The following RABGAP1L variants were observed in gnomAD, a reference collection of about 807,000 sequenced individuals.
RABGAP1L encodes the protein RAB GTPase activating protein 1 like.
Under a neutral mutation model 137.7 loss-of-function variants are expected in RABGAP1L, and 63 were observed. That is an observed-to-expected ratio of 0.46 (90% CI 0.37 to 0.56). RABGAP1L has a LOEUF of 0.56. Ranked by LOEUF, RABGAP1L falls within the 20% of genes least tolerant of loss-of-function variation. The pLI is 0.00. For missense variants in RABGAP1L, 1,095 were observed against 1,244.0 expected (o/e 0.88, Z 1.80); for synonymous variants, 431 against 433.7 (o/e 0.99, Z 0.08).
intron 19 of RABGAP1L, among the ~76,000 whole-genome samples, chr1:174,860,544 TA>T (rs1306658796): frequency 3.0e-4 from 46 of 152,282 alleles, no homozygotes; most frequent in African/African-American, 1.0e-3. Flanking sequence ...CTCAAAATAA[TA>T]AAACTGTATA....
chr1:174,849,234 G>A (rs551390459), intron 19 of RABGAP1L, among the ~76,000 whole-genome samples: 3 of 152,112 alleles, frequency 2.0e-5, no homozygotes, highest in South Asian at 2.1e-4. Context: ...GTTCCTATTC[G>A]GCCATCTTGA....
intron 19 of RABGAP1L, chr1:174,938,606 T>C (rs1473471409): frequency 6.6e-6 from 1 of 152,202 alleles, no homozygotes. Flanking sequence ...TGTTTTTCCT[T>C]GCGCTAGTTA....
At chr1:174,547,469 T>A (rs1012181637) in intron 13 of RABGAP1L, among the ~76,000 whole-genome samples, 1 of 151,944 alleles carries the variant, frequency 6.6e-6, no homozygotes, top group South Asian at 2.1e-4. Flanking sequence ...AATAAAAAAT[T>A]AGCTGGATGT....
chr1:174,904,986 C>A (rs1371389548), intron 19 of RABGAP1L, among the ~76,000 whole-genome samples: 2 of 152,104 alleles, frequency 1.3e-5, no homozygotes, highest in African/African-American at 4.8e-5. Flanking sequence ...CTCTAGCCAG[C>A]CTTCTCACAC....
At chr1:174,220,640 C>G (rs962988177) in intron 2 of RABGAP1L, 1 of 159,980 alleles carries the variant, frequency 6.3e-6, no homozygotes, top group Non-Finnish European at 1.4e-5. Flanking sequence ...TGCATTCCAG[C>G]CTGGGTGACA....
chr1:174,168,840 A>T (rs981339793), intron 1 of RABGAP1L, among the ~76,000 whole-genome samples: 3 of 152,240 alleles, frequency 2.0e-5, no homozygotes, highest in African/African-American at 7.2e-5. Flanking sequence ...TAGGCCTCTT[A>T]AGTTTAAAAA....
intron 13 of RABGAP1L, among the ~76,000 whole-genome samples, chr1:174,459,810 T>C (rs1432593387): frequency 6.6e-6 from 1 of 152,120 alleles, no homozygotes. Context: ...ACTGAGATAG[T>C]AGAGCCATCA....
intron 1 of RABGAP1L, among the ~76,000 whole-genome samples, chr1:174,190,225 C>G (rs919959264): frequency 6.7e-6 from 1 of 150,168 alleles, no homozygotes; most frequent in African/African-American, 2.5e-5. Context: ...ATCACTTGAA[C>G]GCGGGAGGCA....
chr1:174,196,993 G>A lies in RABGAP1L; in HGVS notation c.-33-22132G>A, dbSNP rs377380820. ...AGATCATATTAAATTTTTGATTTAA[G>A]AAAAATGAAAGGTGGCAATATTTCT... is the stretch of plus-strand genomic sequence containing the variant. On this transcript the variant is annotated intron_variant, in intron 1 of 25. Transcript: ENST00000681986. 2.0e-5 allele frequency among the ~76,000 whole-genome samples: 3 copies of A among 152,194 alleles called. No homozygotes were observed. The East Asian group carries it at 5.8e-4, about 29-fold the overall frequency.
At chr1:174,634,841 C>T (rs1299624005) in intron 13 of RABGAP1L, among the ~76,000 whole-genome samples, 2 of 139,258 alleles carry the variant, frequency 1.4e-5, no homozygotes, top group African/African-American at 5.5e-5. Flanking sequence ...AATGAGATCA[C>T]ATGGACACAG....
intron 14 of RABGAP1L, among the ~76,000 whole-genome samples, chr1:174,677,552 C>T (rs1677731338): frequency 6.6e-6 from 1 of 152,208 alleles, no homozygotes; most frequent in Non-Finnish European, 1.5e-5. Context: ...GGTTGTTCCA[C>T]AGTGGTCCTA....
intron 19 of RABGAP1L, among the ~76,000 whole-genome samples, chr1:174,868,190 C>T (rs1416818544): frequency 1.3e-5 from 2 of 151,992 alleles, no homozygotes; most frequent in Non-Finnish European, 2.9e-5. Context: ...AACTCCTGAC[C>T]TCAGGCGATT....
At chr1:174,771,511 G>A (rs1686111414) in intron 18 of RABGAP1L, among the ~76,000 whole-genome samples, 1 of 151,836 alleles carries the variant, frequency 6.6e-6, no homozygotes, top group South Asian at 2.1e-4. Flanking sequence ...AATAAAATTA[G>A]GAGCAAAGGA....
chr1:174,358,411 C>T (rs532200090), intron 11 of RABGAP1L, among the ~76,000 whole-genome samples: 2 of 152,290 alleles, frequency 1.3e-5, no homozygotes, highest in African/African-American at 4.8e-5. Flanking sequence ...GGTTGATTTC[C>T]AAGCTCTAAA....
intron 11 of RABGAP1L, among the ~76,000 whole-genome samples, chr1:174,327,987 A>T (rs1330249748): frequency 2.0e-4 from 2 of 10,192 alleles, no homozygotes; most frequent in East Asian, 6.9e-3. Flanking sequence ...ATACACACAC[A>T]TATATATATA....
chr1:174,843,844 A>G (rs1311907407), intron 19 of RABGAP1L, among the ~76,000 whole-genome samples: 6 of 131,512 alleles, frequency 4.6e-5, no homozygotes, highest in Non-Finnish European at 6.5e-5. Context: ...AGTCCCACCA[A>G]CAGTGTAAAA....
chr1:174,573,602 C>A (rs1414838828), intron 13 of RABGAP1L, among the ~76,000 whole-genome samples: 2 of 151,982 alleles, frequency 1.3e-5, no homozygotes, highest in Admixed American at 1.3e-4. Flanking sequence ...GAGATTTGAT[C>A]TATTACTATG....
intron 19 of RABGAP1L, among the ~76,000 whole-genome samples, chr1:174,836,147 A>G (rs376568241): frequency 6.6e-6 from 1 of 152,252 alleles, no homozygotes; most frequent in African/African-American, 2.4e-5. Context: ...TATCAAGAAC[A>G]TAATTTTATT....
intron 7 of RABGAP1L, among the ~76,000 whole-genome samples, chr1:174,264,087 T>G (rs1673831107): frequency 6.6e-6 from 1 of 152,038 alleles, no homozygotes; most frequent in Non-Finnish European, 1.5e-5. Flanking sequence ...TAGTAGGACT[T>G]TAAGCAATTA....
Sources: allele counts gnomAD v4.1 joint callset (sites outside exome capture counted in the v4.1 genomes callset), GRCh38; gene constraint gnomAD v4.1.1; transcripts MANE v1.5; gene names NCBI Gene and HGNC (gene_info 2026-07-23, HGNC 2026-07-21).